TENT4B: variants seen among roughly 807,000 people sequenced by gnomAD.
TENT4B encodes PAP associated domain containing 5.
TENT4B carries 10 observed loss-of-function variants against 75.0 expected under a neutral mutation model. That is an observed-to-expected ratio of 0.13 (90% CI 0.08 to 0.23). The LOEUF (loss-of-function observed/expected upper bound fraction) is 0.23. TENT4B is among the 10% of genes least tolerant of loss of function. The pLI is 1.00. For synonymous variants in TENT4B, 350 were observed against 357.7 expected (o/e 0.98, Z 0.24); for missense variants, 579 against 893.8 (o/e 0.65, Z 4.49).
At chr16:50,226,588 C>T (rs574667242) in intron 10 of TENT4B, among the ~76,000 whole-genome samples, 179 of 152,196 alleles carry the variant, frequency 1.2e-3, no homozygotes, top group Non-Finnish European at 2.1e-3. Flanking sequence ...GCCACCACAC[C>T]CGGCTAATTT....
At chr16:50,175,486 T>G (rs1353144758) in intron 1 of TENT4B, among the ~76,000 whole-genome samples, 1 of 152,166 alleles carries the variant, frequency 6.6e-6, no homozygotes, top group African/African-American at 2.4e-5. Context: ...GATCTATGTC[T>G]GGATTCTCTC....
chr16:50,158,211 C>T (rs1479691167), intron 1 of TENT4B, among the ~76,000 whole-genome samples: 3 of 152,128 alleles, frequency 2.0e-5, no homozygotes, highest in South Asian at 2.1e-4. Flanking sequence ...CTCAGCCTCC[C>T]GAGTAACTGG....
chr16:50,222,718 A>G (rs2031883511), intron 6 of TENT4B, among the ~76,000 whole-genome samples: 1 of 152,218 alleles, frequency 6.6e-6, no homozygotes, highest in African/African-American at 2.4e-5. Flanking sequence ...TGGTTTCCAT[A>G]AGCATAAATA....
chr16:50,186,015 G>A (rs1164415559), intron 1 of TENT4B, among the ~76,000 whole-genome samples: 1 of 152,034 alleles, frequency 6.6e-6, no homozygotes, highest in African/African-American at 2.4e-5. Flanking sequence ...TAGATATCCA[G>A]TGTTAGCTTA....
intron 1 of TENT4B, among the ~76,000 whole-genome samples, chr16:50,158,337 T>G (rs1340092075): frequency 2.0e-5 from 3 of 152,074 alleles, no homozygotes; most frequent in African/African-American, 7.2e-5. Flanking sequence ...TCTGCCCACC[T>G]TGGCTTCCCA....
intron 1 of TENT4B, among the ~76,000 whole-genome samples, chr16:50,183,724 T>C (rs1284217496): frequency 6.6e-6 from 1 of 152,086 alleles, no homozygotes; most frequent in Non-Finnish European, 1.5e-5. Flanking sequence ...ATTTGTGTCT[T>C]CCAGTGGAGA....
intron 1 of TENT4B, among the ~76,000 whole-genome samples, chr16:50,178,802 T>G (rs2150692689): frequency 6.6e-6 from 1 of 152,208 alleles, no homozygotes; most frequent in Non-Finnish European, 1.5e-5. Flanking sequence ...TGCCAGGGCC[T>G]GTGGGGAGGA....
intron 10 of TENT4B, among the ~76,000 whole-genome samples, chr16:50,225,488 G>A (rs2032008131): frequency 6.6e-6 from 1 of 152,150 alleles, no homozygotes; most frequent in South Asian, 2.1e-4. Flanking sequence ...ATTTTAGTGA[G>A]CATTCATGTA....
chr16:50,174,407 G>A (rs576690766), intron 1 of TENT4B, among the ~76,000 whole-genome samples: 2 of 152,130 alleles, frequency 1.3e-5, no homozygotes, highest in African/African-American at 2.4e-5. Flanking sequence ...TTATTGTTAA[G>A]TTTTAAGAGT....
In TENT4B at chr16:50,156,546, G is replaced by T. The variant is rs554679529; in HGVS notation, c.638+2287G>T. Among the ~76,000 whole-genome samples the T allele has an allele frequency of 2.6e-5, 4 of 152,180 alleles. No individual in the cohort carries two copies. The East Asian group carries it at 7.7e-4, about 29-fold the overall frequency. On this transcript the variant is annotated intron_variant, in intron 1 of 11. Transcript: ENST00000561678. Reference sequence around the variant, plus strand: ...TTTAGTAGAGACGGGGTTTCTTCATGTTGGTCAGGCTGGTCTCGAACTCCT... The same window carrying T: ...TTTAGTAGAGACGGGGTTTCTTCATTTTGGTCAGGCTGGTCTCGAACTCCT...
At position 50,217,608 on chromosome 16, in the gene TENT4B, G is replaced by T. The variant is rs866488049; in HGVS notation, c.983G>T (p.Ser328Ile). 1 of 1,532,872 alleles carries T rather than the reference G, an allele frequency of 6.5e-7. No individual in the cohort carries two copies. Among genetic ancestry groups the T allele is most frequent in the Non-Finnish European group, 8.8e-7 (1 of 1,142,346 alleles). The allele number at this position is 1,532,872 out of a possible 1,614,324, so 95.0% of individuals were successfully genotyped here. ...TTTACTGAAGTGAAAGTTGATATCA[G>T]CTTTAATGTACAGAATGGCGTGAGA... ...DSFTEVKVDI[S>I]FNVQNGVRAA... is the part of the protein sequence containing the mutation. The change falls in exon 5 of 12, where the codon AGC (serine) becomes ATC (isoleucine). Residue 328 changes from serine (S) to isoleucine (I), a missense_variant. Ser to Ile is a moderately radical substitution (Grantham distance 142, BLOSUM62 -2). Coordinates refer to ENST00000561678, the MANE Select transcript of TENT4B (RefSeq NM_001365324.3).
chr16:50,164,208 A>G (rs186333700), intron 1 of TENT4B, among the ~76,000 whole-genome samples: 1 of 152,296 alleles, frequency 6.6e-6, no homozygotes, highest in East Asian at 1.9e-4. Context: ...GGATCTCACC[A>G]TTTTGGCTGG....
In TENT4B at chr16:50,224,543, G is replaced by A. The variant is rs2031963105; in HGVS notation, c.1382-114G>A. 2.2e-6 allele frequency: 3 copies of A among 1,351,480 alleles called. No individual in the cohort carries two copies. In the Admixed American group the frequency reaches 6.7e-5, roughly 30 times the overall value. The allele number at this position is 1,351,480 out of a possible 1,614,324, so 83.7% of individuals were successfully genotyped here. A position where few individuals can be genotyped will look rare whatever the true frequency, so the allele number is the denominator to read the frequency against. On this transcript the variant is annotated intron_variant, in intron 7 of 11. Coordinates refer to ENST00000561678, the MANE Select transcript of TENT4B (RefSeq NM_001365324.3). ...GGGACAGCTCACAGCTCAGCTTCCA[G>A]GCACAACTCTGGTGGGATAACTATG...
intron 1 of TENT4B, among the ~76,000 whole-genome samples, chr16:50,205,109 A>G (rs1037985010): frequency 1.3e-5 from 2 of 152,166 alleles, no homozygotes; most frequent in African/African-American, 4.8e-5. Flanking sequence ...ATACAGTGGT[A>G]ATTAACATGT....
chr16:50,228,252 C>G, intron 11 of TENT4B, among the ~76,000 whole-genome samples: 1 of 152,124 alleles, frequency 6.6e-6, no homozygotes, highest in South Asian at 2.1e-4. Context: ...GATGTTCCAG[C>G]CAAACTACCA....
At chr16:50,175,059 G>T (rs2038279579) in intron 1 of TENT4B, among the ~76,000 whole-genome samples, 2 of 151,908 alleles carry the variant, frequency 1.3e-5, no homozygotes, top group South Asian at 4.2e-4. Flanking sequence ...TCTTTTCTTA[G>T]CCTCTGGTAT....
At chr16:50,185,897 A>G (rs749294307) in intron 1 of TENT4B, among the ~76,000 whole-genome samples, 6 of 152,084 alleles carry the variant, frequency 3.9e-5, no homozygotes, top group Admixed American at 6.6e-5. Flanking sequence ...GTTTACATCT[A>G]TTAGTACACT....
At chr16:50,177,291 C>T (rs1482724884) in intron 1 of TENT4B, among the ~76,000 whole-genome samples, 3 of 152,194 alleles carry the variant, frequency 2.0e-5, no homozygotes, top group Non-Finnish European at 2.9e-5. Context: ...GCGTGAGTCA[C>T]TGTGCCTGGC....
chr16:50,229,792 A>G lies in TENT4B; in HGVS notation c.*464A>G. On this transcript the variant is annotated 3_prime_UTR_variant, in exon 12 of 12. Transcript: ENST00000561678. Reference sequence around the variant, plus strand: ...AGTGATCTGTGCATGTTTTTTTTTTAAATATTTTTGCATATATTTACCATT... The same window carrying G: ...AGTGATCTGTGCATGTTTTTTTTTTGAATATTTTTGCATATATTTACCATT... 1 of 956,256 alleles carries G rather than the reference A, an allele frequency of 1.0e-6. No homozygotes were observed. Among genetic ancestry groups the G allele is most frequent in the Non-Finnish European group, 1.2e-6 (1 of 803,364 alleles). The allele number at this position is 956,256 out of a possible 1,614,324, so 59.2% of individuals were successfully genotyped here. A position where few individuals can be genotyped will look rare whatever the true frequency, so the allele number is the denominator to read the frequency against.
Sources: gnomAD v4.1 joint callset for allele counts (sites outside exome capture counted in the v4.1 genomes callset) on GRCh38, gnomAD v4.1.1 for gene constraint, MANE v1.5 for transcripts, NCBI Gene and HGNC (gene_info 2026-07-23, HGNC 2026-07-21) for gene names.